PEX14: variants seen among roughly 807,000 people sequenced by gnomAD.
PEX14 encodes peroxisomal membrane protein PEX14.
A neutral mutation model predicts 49.5 loss-of-function variants in PEX14; 15 were observed. That is an observed-to-expected ratio of 0.30 (90% CI 0.20 to 0.47). The LOEUF is 0.47. Among genes scored for constraint, PEX14 ranks in the 20% least tolerant of loss-of-function variants. The pLI is 1.00. For synonymous variants in PEX14, 210 were observed against 212.7 expected (o/e 0.99, Z 0.11); for missense variants, 398 against 494.8 (o/e 0.80, Z 1.86).
chr1:10,532,817 G>A (rs1450519391), intron 2 of PEX14, among the ~76,000 whole-genome samples: 1 of 152,188 alleles, frequency 6.6e-6, no homozygotes, highest in East Asian at 1.9e-4. Flanking sequence ...AAAGCGTGTT[G>A]TGTGTGTTGG....
At chr1:10,521,248 C>T (rs1359546796) in intron 2 of PEX14, among the ~76,000 whole-genome samples, 2 of 151,864 alleles carry the variant, frequency 1.3e-5, no homozygotes, top group Non-Finnish European at 2.9e-5. Flanking sequence ...CTCTAACCTT[C>T]TCTTTCTCCT....
At chr1:10,590,182 G>A (rs901563316) in intron 3 of PEX14, among the ~76,000 whole-genome samples, 2 of 152,164 alleles carry the variant, frequency 1.3e-5, no homozygotes, top group Non-Finnish European at 2.9e-5. Context: ...CTGCTCGGAG[G>A]TGCCACAAAA....
At chr1:10,606,287 A>G (rs1202067141) in intron 4 of PEX14, among the ~76,000 whole-genome samples, 1 of 152,166 alleles carries the variant, frequency 6.6e-6, no homozygotes, top group Non-Finnish European at 1.5e-5. Context: ...AGCTCCAACT[A>G]TCCCACCTGC....
At chr1:10,498,538 G>A (rs914899063) in intron 2 of PEX14, among the ~76,000 whole-genome samples, 4 of 152,154 alleles carry the variant, frequency 2.6e-5, no homozygotes, top group African/African-American at 9.7e-5. Flanking sequence ...CGACACATTC[G>A]TGTTTGTAGC....
chr1:10,553,928 C>T (rs369475327), intron 3 of PEX14, among the ~76,000 whole-genome samples: 2 of 152,100 alleles, frequency 1.3e-5, no homozygotes, highest in Non-Finnish European at 2.9e-5. Flanking sequence ...CTTGCATGCA[C>T]CTCGGTTTTC....
intron 3 of PEX14, among the ~76,000 whole-genome samples, chr1:10,540,511 T>C (rs1638969846): frequency 6.6e-6 from 1 of 152,056 alleles, no homozygotes; most frequent in Admixed American, 6.6e-5. Context: ...ACAAACCTTG[T>C]TCTGATGGCC....
At chr1:10,604,144 G>A (rs1641063909) in intron 4 of PEX14, among the ~76,000 whole-genome samples, 2 of 152,180 alleles carry the variant, frequency 1.3e-5, no homozygotes, top group Non-Finnish European at 2.9e-5. Flanking sequence ...AGACGGTTAG[G>A]CCAACATAGC....
chr1:10,509,844 C>T (rs377453170), intron 2 of PEX14, among the ~76,000 whole-genome samples: 9 of 152,196 alleles, frequency 5.9e-5, no homozygotes, highest in African/African-American at 2.2e-4. Flanking sequence ...TATTCTTTTA[C>T]GCTTTATTTT....
At chr1:10,505,623 C>T (rs1641768508) in intron 2 of PEX14, among the ~76,000 whole-genome samples, 1 of 152,004 alleles carries the variant, frequency 6.6e-6, no homozygotes. Flanking sequence ...AGTGAACCTT[C>T]TCTTTAGCCT....
chr1:10,630,341 A>C lies in PEX14; in HGVS notation c.*354A>C. 1 of 360,294 alleles carries C rather than the reference A, an allele frequency of 2.8e-6. No individual in the cohort carries two copies. The highest frequency in any genetic ancestry group is 5.2e-6 in the Non-Finnish European group (1 of 192,938). 22.3% of individuals were successfully genotyped at this position (360,294 alleles called of 1,614,324 possible). A position where few individuals can be genotyped will look rare whatever the true frequency, so the allele number is the denominator to read the frequency against. On this transcript the variant is annotated 3_prime_UTR_variant, in exon 9 of 9. Transcript: ENST00000356607. This position sits in a 1 kb window ranked among gnomAD's most constrained non-coding sequence, Gnocchi z 4.1. ...GGTGTGTTTGCTGAGTGTCTTGACTACCGTGACACCACGCATGGCCAGAGC... is the reference window on the plus strand; with the variant it reads ...GGTGTGTTTGCTGAGTGTCTTGACTCCCGTGACACCACGCATGGCCAGAGC...
At chr1:10,581,455 G>A (rs978279142) in intron 3 of PEX14, among the ~76,000 whole-genome samples, 7 of 151,700 alleles carry the variant, frequency 4.6e-5, no homozygotes, top group African/African-American at 1.7e-4. Flanking sequence ...ACAGGCGCCC[G>A]CCACCATACC....
chr1:10,627,194 C>A (rs915547028), intron 7 of PEX14, 78 bp from the exon 8 acceptor site: 30 of 960,188 alleles, frequency 3.1e-5, no homozygotes, highest in Non-Finnish European at 4.8e-5. Context: ...GCTGCCCCCA[C>A]CCAGGTCCTC....
At chr1:10,545,247 C>T (rs1639134769) in intron 3 of PEX14, among the ~76,000 whole-genome samples, 1 of 151,950 alleles carries the variant, frequency 6.6e-6, no homozygotes, top group Non-Finnish European at 1.5e-5. Flanking sequence ...TGTTGATGGA[C>T]ATTTGGGTTG....
intron 3 of PEX14, among the ~76,000 whole-genome samples, chr1:10,564,470 T>C (rs1639744050): frequency 6.6e-6 from 1 of 151,780 alleles, no homozygotes; most frequent in Non-Finnish European, 1.5e-5. Context: ...ACTGTCTCAC[T>C]CTCTTGCCCA....
intron 3 of PEX14, among the ~76,000 whole-genome samples, chr1:10,555,230 C>T (rs890101040): frequency 2.7e-5 from 4 of 150,870 alleles, no homozygotes; most frequent in Admixed American, 6.6e-5. Flanking sequence ...CTCCTATCTG[C>T]TTTTTTTTTA....
At chr1:10,556,906 G>A (rs1639506176) in intron 3 of PEX14, among the ~76,000 whole-genome samples, 2 of 152,092 alleles carry the variant, frequency 1.3e-5, no homozygotes, top group African/African-American at 2.4e-5. Context: ...AAGAATCTGT[G>A]ACTTGGGCCA....
chr1:10,488,847 T>C (rs1446270695), intron 1 of PEX14, among the ~76,000 whole-genome samples: 1 of 152,142 alleles, frequency 6.6e-6, no homozygotes, highest in African/African-American at 2.4e-5. Context: ...TACTGTGACA[T>C]GTTTTCATTT....
chr1:10,475,354 G>C (rs1323120545), intron 1 of PEX14, among the ~76,000 whole-genome samples: 1 of 152,180 alleles, frequency 6.6e-6, no homozygotes, highest in Non-Finnish European at 1.5e-5. Context: ...GGAGAGGATA[G>C]ATCGATCGTT....
intron 3 of PEX14, among the ~76,000 whole-genome samples, chr1:10,552,988 G>T (rs1022482034): frequency 1.3e-5 from 2 of 152,236 alleles, no homozygotes; most frequent in African/African-American, 4.8e-5. Context: ...GTGGGCAAAG[G>T]TGGGATCAGG....
Sources: gnomAD v4.1 joint callset for allele counts (sites outside exome capture counted in the v4.1 genomes callset) on GRCh38, gnomAD v4.1.1 for gene constraint, Gnocchi (gnomAD v3.1) non-coding constraint, MANE v1.5 for transcripts, NCBI Gene and HGNC (gene_info 2026-07-23, HGNC 2026-07-21) for gene names.